The following ALDH3B1 variants were observed in gnomAD, a reference collection of about 807,000 sequenced individuals.
ALDH3B1 encodes the protein aldehyde dehydrogenase family 3 member B1.
Under a neutral mutation model 46.2 loss-of-function variants are expected in ALDH3B1, and 37 were observed. The ratio of observed to expected loss-of-function variants is 0.80; its 90% CI spans 0.62 to 1.05. The LOEUF is 1.05. Ranked by LOEUF, ALDH3B1 falls within the 50% of genes least tolerant of loss-of-function variation. ALDH3B1 has a pLI of 0.00. For missense variants in ALDH3B1, 603 were observed against 665.5 expected (o/e 0.91, Z 1.03); for synonymous variants, 283 against 281.0 (o/e 1.01, Z -0.07).
At chr11:68,021,116 C>T (rs983045795) in intron 6 of ALDH3B1, among the ~76,000 whole-genome samples, 4 of 152,246 alleles carry the variant, frequency 2.6e-5, no homozygotes, top group East Asian at 1.9e-4. Flanking sequence ...AAGGGATCCC[C>T]GAAGTTTCCA....
rs765491181 is a variant in ALDH3B1 at position 68,022,718 on chromosome 11, G to A, written c.1073G>A (p.Arg358Gln). 19 of 1,614,030 alleles carry A rather than the reference G, an allele frequency of 1.2e-5. No homozygotes were observed. Among genetic ancestry groups the A allele is most frequent in the African/African-American group, 8.0e-5 (6 of 74,930 alleles). The stretch of plus-strand genomic sequence containing the variant: ...GAGGCCATCGAGTTCATCAACCGGC[G>A]GGAGAAGCCCCTGGCCCTGTACGCC... ...LDEAIEFINR[R>Q]EKPLALYAFS... Residue 358 changes from arginine (R) to glutamine (Q), a missense_variant, in exon 8 of 10, where the codon CGG (arginine) becomes CAG (glutamine). Physicochemically the swap from Arg to Gln is conservative, Grantham distance 43. Coordinates refer to ENST00000342456, the MANE Select transcript of ALDH3B1 (RefSeq NM_000694.4).
intron 6 of ALDH3B1, among the ~76,000 whole-genome samples, chr11:68,021,062 G>C (rs1197155801): frequency 6.6e-6 from 1 of 152,232 alleles, no homozygotes. Context: ...AGAGAAGAGA[G>C]ACCTGAATGC....
At chr11:68,009,710 A>G (rs1306446854), upstream of ALDH3B1, among the ~76,000 whole-genome samples, 1 of 152,220 alleles carries the variant, frequency 6.6e-6, no homozygotes, top group Non-Finnish European at 1.5e-5. Flanking sequence ...TGATATTATT[A>G]TCACTTTTTT....
intron 1 of ALDH3B1, among the ~76,000 whole-genome samples, chr11:68,012,203 T>C (rs1475825215): frequency 2.6e-5 from 4 of 151,942 alleles, no homozygotes; most frequent in Admixed American, 6.5e-5. Context: ...TGCTGTGAGG[T>C]TGGGGGCAGC....
chr11:68,025,959 G>A, intron 8 of ALDH3B1, 50 bp from the exon 9 acceptor site: 1 of 1,377,548 alleles, frequency 7.3e-7, no homozygotes, highest in Non-Finnish European at 9.8e-7. Context: ...GGGTCCTGAG[G>A]ATCCTGATGG....
Position 68,028,877 on chromosome 11 carries a change from C to G in ALDH3B1, c.*938C>G, listed in dbSNP as rs984964953. 1.3e-5 allele frequency: 2 copies of G among 152,218 alleles called. No homozygotes were observed. Among genetic ancestry groups the G allele is most frequent in the African/African-American group, 4.8e-5 (2 of 41,398 alleles). 9.4% of individuals were successfully genotyped at this position (152,218 alleles called of 1,614,324 possible). Reference sequence around the variant, plus strand: ...GGGTCTCCCTTCCCTCCAGCCCATGCCAGAGGAGCTTGTAACTCTTTATCC... The same window carrying G: ...GGGTCTCCCTTCCCTCCAGCCCATGGCAGAGGAGCTTGTAACTCTTTATCC... On this transcript the variant is annotated 3_prime_UTR_variant, in exon 10 of 10. Transcript: ENST00000342456.
chr11:68,019,065 G>T, intron 4 of ALDH3B1, 105 bp from the exon 5 acceptor site: 4 of 1,469,030 alleles, frequency 2.7e-6, no homozygotes. Context: ...CTCTGAACCA[G>T]GTTCTGCATC....
rs1175040970 is a variant in ALDH3B1 at position 68,027,859 on chromosome 11, T to C, written c.1327T>C (p.Tyr443His). 1 of 1,550,526 alleles carries C rather than the reference T, an allele frequency of 6.4e-7. No individual in the cohort carries two copies. Among genetic ancestry groups the C allele is most frequent in the African/African-American group, 1.4e-5 (1 of 73,148 alleles). The change falls in exon 10 of 10, where the codon TAC becomes CAC. Residue 443 changes from tyrosine to histidine, a missense_variant. Tyr to His is a moderately conservative substitution (Grantham distance 83). Coordinates refer to ENST00000342456, the MANE Select transcript of ALDH3B1 (RefSeq NM_000694.4). Reference protein sequence around the residue: ...PGMEKLNALRYPPQSPRRLRM... With the variant: ...PGMEKLNALRHPPQSPRRLRM... Reference sequence around the variant, plus strand: ...GATGGAGAAGCTCAACGCCCTCCGCTACCCGCCGCAATCGCCGCGCCGCCT... The same window carrying C: ...GATGGAGAAGCTCAACGCCCTCCGCCACCCGCCGCAATCGCCGCGCCGCCT...
intron 2 of ALDH3B1, 75 bp from the exon 3 acceptor site, chr11:68,018,452 C>T (rs762137461): frequency 1.8e-6 from 2 of 1,140,972 alleles, no homozygotes; most frequent in Non-Finnish European, 2.5e-6. Context: ...GAAGCAGGCC[C>T]TGCCTGGAGG....
intron 4 of ALDH3B1, 106 bp from the exon 5 acceptor site, chr11:68,019,064 A>G (rs1857424104): frequency 6.8e-7 from 1 of 1,465,568 alleles, no homozygotes; most frequent in African/African-American, 1.4e-5. Context: ...TCTCTGAACC[A>G]GGTTCTGCAT....
chr11:68,015,358 C>A lies in ALDH3B1; in HGVS notation c.61C>A (p.Arg21=). Residue 21 remains arginine (R), a synonymous_variant, in exon 2 of 10, where the codon CGG becomes AGG. Coordinates refer to ENST00000342456, the MANE Select transcript of ALDH3B1 (RefSeq NM_000694.4). ...LREAFHAGRT[R]PAEFRAAQLQ... Reference sequence around the variant, plus strand: ...GGAGGCCTTCCACGCGGGGCGCACGCGGCCAGCTGAGTTCCGGGCTGCGCA... The same window carrying A: ...GGAGGCCTTCCACGCGGGGCGCACGAGGCCAGCTGAGTTCCGGGCTGCGCA... 1 of 1,544,734 alleles carries A rather than the reference C, an allele frequency of 6.5e-7. No individual in the cohort carries two copies. The highest frequency in any genetic ancestry group is 8.7e-7 in the Non-Finnish European group (1 of 1,142,984).
intron 8 of ALDH3B1, chr11:68,024,709 G>A (rs975869754): frequency 3.3e-5 from 5 of 152,170 alleles, no homozygotes; most frequent in African/African-American, 9.7e-5. Flanking sequence ...CTTCATCTAC[G>A]AAGCATAGTC....
upstream of ALDH3B1, among the ~76,000 whole-genome samples, chr11:68,009,898 G>C (rs1002719858): frequency 2.0e-5 from 3 of 152,082 alleles, no homozygotes; most frequent in Non-Finnish European, 1.5e-5. Flanking sequence ...TTGAGGGAAG[G>C]CTGGGAGTGG....
rs374650366 is a variant in ALDH3B1 at position 68,028,801 on chromosome 11, G to A, written c.*862G>A. ...CTTTCTCAGTGGGGTGGCACGGAGC[G>A]GGGCCGCCTCCCTCTTCTCTCCAGG... is the stretch of plus-strand genomic sequence containing the variant. On this transcript the variant is annotated 3_prime_UTR_variant, in exon 10 of 10. Coordinates refer to ENST00000342456, the MANE Select transcript of ALDH3B1 (RefSeq NM_000694.4). 3 of 152,352 alleles carry A rather than the reference G, an allele frequency of 2.0e-5. No homozygotes were observed. The highest frequency in any genetic ancestry group is 3.9e-4 in the East Asian group (2 of 5,184). 9.4% of individuals were successfully genotyped at this position (152,352 alleles called of 1,614,324 possible).
intron 2 of ALDH3B1, chr11:68,015,707 A>C (rs1175908337): frequency 2.9e-6 from 2 of 681,224 alleles, no homozygotes; most frequent in African/African-American, 3.5e-5. Flanking sequence ...AGCAGAGAAT[A>C]AAACACAGTT....
chr11:68,023,422 A>G (rs978485735), intron 8 of ALDH3B1, among the ~76,000 whole-genome samples: 3 of 150,528 alleles, frequency 2.0e-5, no homozygotes, highest in Non-Finnish European at 4.4e-5. Context: ...TCCTGCCTCA[A>G]CCTCCTGTGT....
intron 6 of ALDH3B1, among the ~76,000 whole-genome samples, chr11:68,020,343 C>T (rs1331705968): frequency 6.6e-6 from 1 of 152,170 alleles, no homozygotes; most frequent in Non-Finnish European, 1.5e-5. Context: ...AAGTGATGCT[C>T]ATGCCTCAGC....
rs369689965 is a variant in ALDH3B1 at position 68,027,823 on chromosome 11, C to T, written c.1291C>T (p.Arg431Cys). The change falls in exon 10 of 10, where the codon CGC (arginine) becomes TGC (cysteine). Residue 431 changes from arginine to cysteine, a missense_variant. Arg to Cys is a radical substitution (Grantham distance 180). Transcript: ENST00000342456. ...CTCCCACCATCGCGCCTGCCTCCTGCGCAGCCCGGGGATGGAGAAGCTCAA... is the reference window on the plus strand; with the variant it reads ...CTCCCACCATCGCGCCTGCCTCCTGTGCAGCCCGGGGATGGAGAAGCTCAA... ...TFSHHRACLL[R>C]SPGMEKLNAL... 3.2e-5 allele frequency: 50 copies of T among 1,556,872 alleles called. No homozygotes were observed. Among genetic ancestry groups the T allele is most frequent in the Non-Finnish European group, 4.1e-5 (47 of 1,149,852 alleles).
At chr11:68,026,958 C>A (rs1857639836) in intron 9 of ALDH3B1, among the ~76,000 whole-genome samples, 1 of 152,152 alleles carries the variant, frequency 6.6e-6, no homozygotes, top group Non-Finnish European at 1.5e-5. Context: ...AACCCGCCTC[C>A]CTGCCCTGGA....
Sources: gnomAD v4.1 joint callset for allele counts (sites outside exome capture counted in the v4.1 genomes callset) on GRCh38, gnomAD v4.1.1 for gene constraint, MANE v1.5 for transcripts, NCBI Gene and HGNC (gene_info 2026-07-23, HGNC 2026-07-21) for gene names.